Variants in RANBP2 observed in about 807,000 individuals in gnomAD.
RANBP2 encodes the protein E3 SUMO-protein ligase RanBP2.
In RANBP2, 57 loss-of-function variants were observed where a neutral mutation model predicts 303.6. That is an observed-to-expected ratio of 0.19 (90% CI 0.15 to 0.23). The LOEUF (loss-of-function observed/expected upper bound fraction) is 0.23. Ranked by LOEUF, RANBP2 falls within the 10% of genes least tolerant of loss-of-function variation. RANBP2 has a pLI of 1.00. For synonymous variants in RANBP2, 1,167 were observed against 1,301.5 expected (o/e 0.90, Z 2.23); for missense variants, 3,138 against 3,780.8 (o/e 0.83, Z 4.46).
the RANBP2 span, among the ~76,000 whole-genome samples, chr2:108,804,188 T>G: frequency 3.9e-5 from 6 of 152,180 alleles, no homozygotes; most frequent in African/African-American, 1.2e-4. Context: ...ATTTTTTGAT[T>G]TCCTGTAGAA....
the RANBP2 span, among the ~76,000 whole-genome samples, chr2:109,367,528 G>A: frequency 1.7e-4 from 26 of 150,198 alleles, no homozygotes; most frequent in Non-Finnish European, 2.5e-4. Flanking sequence ...GTGATCCACC[G>A]ACCTCGGCCT....
At chr2:109,728,284 G>C in the RANBP2 span, among the ~76,000 whole-genome samples, 1 of 152,130 alleles carries the variant, frequency 6.6e-6, no homozygotes, top group Non-Finnish European at 1.5e-5. Flanking sequence ...AAGTGGCAGA[G>C]ATGAGCTGTC....
chr2:108,772,505 A>C lies in RANBP2; in HGVS notation c.8037A>C (p.Thr2679=). ...EEEEDDEDFE[T]AVKKLNGKLY... ...TATTTTAAGATGAAGATTTCGAAAC[A>C]GCTGTCAAGAAACTTAATGGAAAAC... The change falls in exon 22 of 29, where the codon ACA becomes ACC. Residue 2679 remains threonine, a synonymous_variant. Coordinates refer to ENST00000283195, the MANE Select transcript of RANBP2 (RefSeq NM_006267.5). 6.2e-7 allele frequency: 1 copy of C among 1,613,522 alleles called. No homozygotes were observed. Among genetic ancestry groups the C allele is most frequent in the Non-Finnish European group, 8.5e-7 (1 of 1,179,636 alleles).
the RANBP2 span, among the ~76,000 whole-genome samples, chr2:109,030,641 C>T: frequency 6.6e-6 from 1 of 152,188 alleles, no homozygotes; most frequent in Non-Finnish European, 1.5e-5. Flanking sequence ...ATTGTACTTT[C>T]CTGAGTACCT....
chr2:109,291,988 C>T, the RANBP2 span, among the ~76,000 whole-genome samples: 3 of 152,292 alleles, frequency 2.0e-5, no homozygotes, highest in South Asian at 2.1e-4. Flanking sequence ...CTCAGCCTCT[C>T]GAGTAGCTGG....
chr2:109,346,699 A>G, the RANBP2 span, among the ~76,000 whole-genome samples: 3 of 152,138 alleles, frequency 2.0e-5, no homozygotes, highest in South Asian at 2.1e-4. Flanking sequence ...ATTCTTTGAC[A>G]GGCTCCTTAT....
the RANBP2 span, among the ~76,000 whole-genome samples, chr2:109,373,868 C>T: frequency 6.6e-6 from 1 of 152,174 alleles, no homozygotes; most frequent in Non-Finnish European, 1.5e-5. Flanking sequence ...TTGGGCCCCT[C>T]AGCCCCTCCT....
chr2:109,591,387 G>A, the RANBP2 span, among the ~76,000 whole-genome samples: 1 of 152,084 alleles, frequency 6.6e-6, no homozygotes, highest in South Asian at 2.1e-4. Flanking sequence ...ACAAAAGAGG[G>A]GCCAGGGAAA....
chr2:109,396,036 C>T, the RANBP2 span, among the ~76,000 whole-genome samples: 4 of 152,190 alleles, frequency 2.6e-5, no homozygotes, highest in Non-Finnish European at 4.4e-5. Context: ...AGTGCAGGCG[C>T]GTGGCAGGTG....
At chr2:109,697,902 C>A in the RANBP2 span, among the ~76,000 whole-genome samples, 1 of 149,320 alleles carries the variant, frequency 6.7e-6, no homozygotes. Context: ...CTCTGTCATC[C>A]GGGCTGGAGT....
chr2:109,186,453 G>A, the RANBP2 span, among the ~76,000 whole-genome samples: 4 of 152,250 alleles, frequency 2.6e-5, no homozygotes, highest in Admixed American at 6.5e-5. Context: ...CTTCACCGCC[G>A]TGCTGGACCA....
the RANBP2 span, among the ~76,000 whole-genome samples, chr2:109,513,333 C>T: frequency 6.6e-6 from 1 of 151,150 alleles, no homozygotes; most frequent in Non-Finnish European, 1.5e-5. Flanking sequence ...ATGCACACAC[C>T]TCACACATGT....
At chr2:109,728,398 A>G in the RANBP2 span, among the ~76,000 whole-genome samples, 4 of 152,120 alleles carry the variant, frequency 2.6e-5, no homozygotes, top group African/African-American at 9.7e-5. Flanking sequence ...GCAATAGGTA[A>G]CTGACACGGA....
At chr2:109,537,022 C>T in the RANBP2 span, among the ~76,000 whole-genome samples, 1 of 152,192 alleles carries the variant, frequency 6.6e-6, no homozygotes, top group Non-Finnish European at 1.5e-5. Context: ...TCGGGTATGT[C>T]CTTATCAGCA....
chr2:109,360,315 A>G, the RANBP2 span, among the ~76,000 whole-genome samples: 1 of 152,226 alleles, frequency 6.6e-6, no homozygotes, highest in Non-Finnish European at 1.5e-5. Context: ...TATTGGTAGC[A>G]TATAAATCCA....
the RANBP2 span, among the ~76,000 whole-genome samples, chr2:109,183,927 T>G: frequency 2.0e-5 from 3 of 152,186 alleles, no homozygotes; most frequent in African/African-American, 4.8e-5. Context: ...CCCCCACACC[T>G]ACCAGTTGCA....
chr2:108,959,476 A>G, the RANBP2 span, among the ~76,000 whole-genome samples: 1 of 152,180 alleles, frequency 6.6e-6, no homozygotes, highest in East Asian at 1.9e-4. Flanking sequence ...TGAGCAGAAT[A>G]TTGCATCTTT....
the RANBP2 span, among the ~76,000 whole-genome samples, chr2:109,414,956 T>C: frequency 6.6e-6 from 1 of 152,136 alleles, no homozygotes; most frequent in Non-Finnish European, 1.5e-5. Flanking sequence ...GACCCTGAGA[T>C]GGAGATGCTC....
chr2:109,732,835 TG>T, the RANBP2 span: 1 of 1,296,858 alleles, frequency 7.7e-7, no homozygotes, highest in Non-Finnish European at 1.1e-6. Flanking sequence ...GAAACCCTCC[TG>T]GCTTTGCTTT....
Sources: allele counts gnomAD v4.1 joint callset (sites outside exome capture counted in the v4.1 genomes callset), GRCh38; gene constraint gnomAD v4.1.1; transcripts MANE v1.5; gene names NCBI Gene and HGNC (gene_info 2026-07-23, HGNC 2026-07-21).